The following SLC5A1 variants were observed in gnomAD, a reference collection of about 807,000 sequenced individuals.
The protein encoded by SLC5A1 is sodium/glucose cotransporter 1.
SLC5A1 carries 42 observed loss-of-function variants against 73.5 expected under a neutral mutation model. That is an observed-to-expected ratio of 0.57 (90% CI 0.45 to 0.74). The LOEUF (loss-of-function observed/expected upper bound fraction) is 0.74. Ranked by LOEUF, SLC5A1 falls within the 30% of genes least tolerant of loss-of-function variation. The pLI, the probability that SLC5A1 is intolerant of heterozygous loss-of-function variation, is 0.00. For synonymous variants in SLC5A1, 300 were observed against 317.4 expected (o/e 0.95, Z 0.58); for missense variants, 634 against 855.4 (o/e 0.74, Z 3.23).
rs2094060126 is a variant in SLC5A1 at position 32,112,981 on chromosome 22, T to C, written c.*2768T>C. ...AAATATGTTGTATGCCATGAGTATA[T>C]ATAATTATTATTTGTGAATTTAAAA... On this transcript the variant is annotated 3_prime_UTR_variant, in exon 15 of 15. Transcript: ENST00000266088. The C allele has an allele frequency of 6.6e-6, 1 of 152,196 alleles. No homozygotes were observed. The allele number at this position is 152,196 out of a possible 1,614,324, so 9.4% of individuals were successfully genotyped here. A position where few individuals can be genotyped will look rare whatever the true frequency, so the allele number is the denominator to read the frequency against.
chr22:32,049,105 T>C lies in SLC5A1; in HGVS notation c.136-838T>C, dbSNP rs1171107180. Among the ~76,000 whole-genome samples the C allele has an allele frequency of 1.6e-4, 23 of 145,464 alleles. No individual in the cohort carries two copies. In the South Asian group the frequency reaches 4.5e-3, roughly 28 times the overall value. On this transcript the variant is annotated intron_variant, in intron 1 of 14. Transcript: ENST00000266088. ...ATAAATAAATAAATATATATATATA[T>C]ATATATAATCATTATATATATATAA...
At chr22:32,062,699 GC>G (rs1414749068) in intron 2 of SLC5A1, among the ~76,000 whole-genome samples, 2 of 152,190 alleles carry the variant, frequency 1.3e-5, no homozygotes, top group Non-Finnish European at 2.9e-5. Flanking sequence ...TGGGAGTGGT[GC>G]CCATTCTCAA....
intron 1 of SLC5A1, among the ~76,000 whole-genome samples, chr22:32,047,884 G>T (rs1290081166): frequency 6.6e-6 from 1 of 152,070 alleles, no homozygotes; most frequent in Non-Finnish European, 1.5e-5. Context: ...ACATCGGCCG[G>T]GCATGGTGGC....
At chr22:32,085,170 C>CA in intron 9 of SLC5A1, 135 bp downstream of exon 9, 7 of 1,067,016 alleles carry the variant, frequency 6.6e-6, no homozygotes, top group Non-Finnish European at 1.0e-5. Flanking sequence ...GGCTGGAGTG[C>CA]AGTGGTGTGA....
intron 3 of SLC5A1, 111 bp downstream of exon 3, chr22:32,067,150 C>A: frequency 1.2e-6 from 1 of 840,240 alleles, no homozygotes; most frequent in Non-Finnish European, 2.0e-6. Flanking sequence ...TTCAGGGTCA[C>A]CCCAGGGTGC....
intron 11 of SLC5A1, among the ~76,000 whole-genome samples, chr22:32,095,820 T>G (rs2094025412): frequency 6.6e-6 from 1 of 152,244 alleles, no homozygotes; most frequent in African/African-American, 2.4e-5. Context: ...ATTCCGTATC[T>G]TTTAAGTGGA....
intron 1 of SLC5A1, 30 bp from the exon 2 acceptor site, chr22:32,049,913 C>A (rs201552963): frequency 6.3e-7 from 1 of 1,598,296 alleles, no homozygotes; most frequent in African/African-American, 1.3e-5. Context: ...TTCTAGTTTT[C>A]GATTACATTT....
At chr22:32,076,478 C>T (rs1320214370) in intron 5 of SLC5A1, among the ~76,000 whole-genome samples, 1 of 152,180 alleles carries the variant, frequency 6.6e-6, no homozygotes, top group African/African-American at 2.4e-5. Context: ...TTCATGTCCC[C>T]ATTTGTGTTT....
chr22:32,043,457 A>C lies in SLC5A1; in HGVS notation c.135+41A>C. The C allele has an allele frequency of 6.2e-7, 1 of 1,609,298 alleles. No homozygotes were observed. Among genetic ancestry groups the C allele is most frequent in the Non-Finnish European group, 8.5e-7 (1 of 1,177,232 alleles). ...TGGGATGCGGGTGGGGAGGGTGCGC[A>C]CAGAGGAGGAGCAATGGCCTCGCTG... On this transcript the variant is annotated intron_variant, in intron 1 of 14. Coordinates refer to ENST00000266088, the MANE Select transcript of SLC5A1 (RefSeq NM_000343.4). The surrounding 1 kb of genome is among the most constrained non-coding windows in gnomAD (Gnocchi z 6.5).
rs757880856 is a variant in SLC5A1 at position 32,043,295 on chromosome 22, C to A, written c.14C>A (p.Thr5Asn). 1 of 1,613,926 alleles carries A rather than the reference C, an allele frequency of 6.2e-7. No homozygotes were observed. The highest frequency in any genetic ancestry group is 1.3e-5 in the African/African-American group (1 of 74,930). The change falls in exon 1 of 15, where the codon ACC becomes AAC. Residue 5 changes from threonine (T) to asparagine (N), a missense_variant. Physicochemically the swap from Thr to Asn is moderately conservative, Grantham distance 65. Transcript: ENST00000266088. The surrounding 1 kb of genome is among the most constrained non-coding windows in gnomAD (Gnocchi z 6.5). ...AACGCTGCCACCATGGACAGTAGCA[C>A]CTGGAGCCCCAAGACCACCGCGGTC... MDSS[T>N]WSPKTTAVTR...
At chr22:32,067,110 C>A in intron 3 of SLC5A1, 71 bp downstream of exon 3, 2 of 1,230,160 alleles carry the variant, frequency 1.6e-6, no homozygotes, top group Non-Finnish European at 1.2e-6. Context: ...TCAATCTATG[C>A]TCAGAGGAGC....
chr22:32,049,170 TC>T (rs1275204836), intron 1 of SLC5A1, among the ~76,000 whole-genome samples: 114 of 6,398 alleles, frequency 0.018, no homozygotes, highest in African/African-American at 0.054. Flanking sequence ...ATAATCTATA[TC>T]TATATCTATA....
chr22:32,088,648 C>T (rs1250936193), intron 10 of SLC5A1, among the ~76,000 whole-genome samples: 1 of 152,086 alleles, frequency 6.6e-6, no homozygotes, highest in Non-Finnish European at 1.5e-5. Context: ...CTACTGTATT[C>T]CTTAATGACC....
At chr22:32,106,266 T>G (rs1220835612) in intron 14 of SLC5A1, among the ~76,000 whole-genome samples, 1 of 152,248 alleles carries the variant, frequency 6.6e-6, no homozygotes, top group Non-Finnish European at 1.5e-5. Flanking sequence ...GTTTTAACTG[T>G]GATGAGATGA....
At chr22:32,067,337 C>A (rs2093975230) in intron 3 of SLC5A1, among the ~76,000 whole-genome samples, 4 of 147,752 alleles carry the variant, frequency 2.7e-5, no homozygotes, top group African/African-American at 7.3e-5. Context: ...CACCAGATTT[C>A]CATTATTATT....
At chr22:32,081,762 C>T (rs2094000229) in intron 5 of SLC5A1, 104 bp from the exon 6 acceptor site, 7 of 786,082 alleles carry the variant, frequency 8.9e-6, no homozygotes, top group East Asian at 7.3e-5. Flanking sequence ...TACGTATTAT[C>T]ATCTTGAATA....
intron 2 of SLC5A1, among the ~76,000 whole-genome samples, chr22:32,055,112 C>T (rs370560947): frequency 6.6e-6 from 1 of 152,194 alleles, no homozygotes. Flanking sequence ...AAGACCTCAC[C>T]TGCCTTTTGT....
At chr22:32,108,843 ATTC>A (rs2094051039) in intron 14 of SLC5A1, among the ~76,000 whole-genome samples, 1 of 152,140 alleles carries the variant, frequency 6.6e-6, no homozygotes, top group Admixed American at 6.5e-5. Context: ...GGTCACTGAG[ATTC>A]TTTCCAGTTC....
rs557271821 is a variant in SLC5A1, at chr22:32,076,988, C to G, written c.478-4878C>G. On this transcript the variant is annotated intron_variant, in intron 5 of 14. Coordinates refer to ENST00000266088, the MANE Select transcript of SLC5A1 (RefSeq NM_000343.4). ...AGTTTTACTGGAGCCCAGCCAAGCC[C>G]ATTGTTTGTGTTGTCTGTGGCTGCT... Among the ~76,000 whole-genome samples, 28 of 152,290 alleles carry G rather than the reference C, an allele frequency of 1.8e-4. No homozygotes were observed. The South Asian group carries it at 5.8e-3, about 32-fold the overall frequency.
Sources: gnomAD v4.1 joint callset for allele counts (sites outside exome capture counted in the v4.1 genomes callset) on GRCh38, gnomAD v4.1.1 for gene constraint, Gnocchi (gnomAD v3.1) non-coding constraint, MANE v1.5 for transcripts, NCBI Gene and HGNC (gene_info 2026-07-23, HGNC 2026-07-21) for gene names.